Variants in ITGA9 observed in about 807,000 individuals in gnomAD.
ITGA9 encodes the protein integrin subunit alpha 9.
In ITGA9, 56 loss-of-function variants were observed where a neutral mutation model predicts 127.8. The ratio of observed to expected loss-of-function variants is 0.44; its 90% CI spans 0.35 to 0.55. ITGA9 has a LOEUF of 0.55. Ranked by LOEUF, ITGA9 falls within the 20% of genes least tolerant of loss-of-function variation. The pLI is 0.00. For missense variants in ITGA9, 1,196 were observed against 1,347.1 expected (o/e 0.89, Z 1.76); for synonymous variants, 508 against 514.5 (o/e 0.99, Z 0.17).
chr3:37,455,817 C>T (rs1356077540), intron 1 of ITGA9, among the ~76,000 whole-genome samples: 1 of 152,100 alleles, frequency 6.6e-6, no homozygotes, highest in African/African-American at 2.4e-5. Flanking sequence ...AGGGGGAGAG[C>T]ACAGACCCCA....
At chr3:37,673,788 A>G (rs1700658213) in intron 17 of ITGA9, among the ~76,000 whole-genome samples, 1 of 152,170 alleles carries the variant, frequency 6.6e-6, no homozygotes, top group Non-Finnish European at 1.5e-5. Context: ...CTAGTTACTA[A>G]ATAAGTTATT....
At position 37,463,691 on chromosome 3, in the gene ITGA9, A is replaced by G. The variant is rs116232986; in HGVS notation, c.186-7316A>G. On this transcript the variant is annotated intron_variant, in intron 1 of 27. Coordinates refer to ENST00000264741, the MANE Select transcript of ITGA9 (RefSeq NM_002207.3). Reference sequence around the variant, plus strand: ...TTCATCTCTTGACAAGAGAAGCTGCAAAGTCACACTGAAAAGAGCAGGGAT... The same window carrying G: ...TTCATCTCTTGACAAGAGAAGCTGCGAAGTCACACTGAAAAGAGCAGGGAT... Among the ~76,000 whole-genome samples the G allele has an allele frequency of 3.1e-3, 476 of 152,336 alleles. 3 individuals carry two copies. Among genetic ancestry groups the G allele is most frequent in the African/African-American group, 0.01 (431 of 41,576 alleles).
chr3:37,615,308 G>T (rs527336685), intron 15 of ITGA9, among the ~76,000 whole-genome samples: 4 of 152,196 alleles, frequency 2.6e-5, no homozygotes, highest in Non-Finnish European at 5.9e-5. Context: ...GCATCCCAGG[G>T]ATGAAGCCCA....
intron 15 of ITGA9, among the ~76,000 whole-genome samples, chr3:37,605,311 C>T (rs1001502447): frequency 5.3e-5 from 8 of 152,196 alleles, no homozygotes; most frequent in Non-Finnish European, 1.2e-4. Context: ...GGGCCATGCT[C>T]AGTGGGGGTT....
At chr3:37,636,950 C>T (rs1414463363) in intron 16 of ITGA9, among the ~76,000 whole-genome samples, 68 of 151,838 alleles carry the variant, frequency 4.5e-4, no homozygotes, top group African/African-American at 1.4e-3. Context: ...TGTAGATATG[C>T]GGCGTTATTT....
At chr3:37,708,069 A>G (rs1056818516) in intron 18 of ITGA9, among the ~76,000 whole-genome samples, 8 of 152,128 alleles carry the variant, frequency 5.3e-5, no homozygotes, top group African/African-American at 1.7e-4. Flanking sequence ...AATCATTTCT[A>G]TTTGCTCATA....
At chr3:37,700,283 C>G (rs554523984) in intron 18 of ITGA9, among the ~76,000 whole-genome samples, 1 of 152,034 alleles carries the variant, frequency 6.6e-6, no homozygotes, top group Admixed American at 6.6e-5. Flanking sequence ...TGCACCTAGC[C>G]GGACATACTA....
At chr3:37,486,369 A>G (rs1698610548) in intron 4 of ITGA9, among the ~76,000 whole-genome samples, 1 of 152,304 alleles carries the variant, frequency 6.6e-6, no homozygotes, top group East Asian at 1.9e-4. Context: ...ATATGCTCCT[A>G]CTTTCTGACT....
rs1700804504 is a variant in ITGA9 at position 37,688,843 on chromosome 3, G to C, written c.2067+4828G>C. On this transcript the variant is annotated intron_variant, in intron 18 of 27. Transcript: ENST00000264741. ...GGATGGGTGGGTGGGTGGCTGAATGGTTAGATAGGTAGGTAGGTAGATGAC... is the reference window on the plus strand; with the variant it reads ...GGATGGGTGGGTGGGTGGCTGAATGCTTAGATAGGTAGGTAGGTAGATGAC... Among the ~76,000 whole-genome samples the C allele has an allele frequency of 2.0e-5, 3 of 152,146 alleles. No homozygotes were observed. In the South Asian group the frequency reaches 6.2e-4, roughly 32 times the overall value.
intron 19 of ITGA9, among the ~76,000 whole-genome samples, chr3:37,734,876 C>T (rs1696339978): frequency 2.0e-5 from 3 of 152,192 alleles, no homozygotes; most frequent in Admixed American, 1.3e-4. Flanking sequence ...ACTTTCCTCC[C>T]ACATACAGAT....
intron 26 of ITGA9, among the ~76,000 whole-genome samples, chr3:37,796,528 C>T (rs1345482798): frequency 1.3e-5 from 2 of 151,720 alleles, no homozygotes; most frequent in East Asian, 3.9e-4. Flanking sequence ...GACGGACAGA[C>T]GGATGGACAG....
intron 1 of ITGA9, among the ~76,000 whole-genome samples, chr3:37,469,029 C>T (rs1280225502): frequency 6.6e-6 from 1 of 152,222 alleles, no homozygotes. Flanking sequence ...TATAGATCTT[C>T]TGTTGACTGC....
At chr3:37,569,474 G>A (rs749743339) in intron 15 of ITGA9, among the ~76,000 whole-genome samples, 4 of 152,166 alleles carry the variant, frequency 2.6e-5, no homozygotes, top group Non-Finnish European at 5.9e-5. Flanking sequence ...CCTGTGGCAT[G>A]GCCTTTATGT....
At chr3:37,453,603 C>T (rs778875142) in intron 1 of ITGA9, among the ~76,000 whole-genome samples, 40 of 152,180 alleles carry the variant, frequency 2.6e-4, no homozygotes, top group Admixed American at 1.2e-3. Context: ...GCCCAGGTGA[C>T]AGCCAGGCCG....
chr3:37,720,668 T>C (rs1701181425), intron 18 of ITGA9, among the ~76,000 whole-genome samples: 1 of 152,262 alleles, frequency 6.6e-6, no homozygotes, highest in Non-Finnish European at 1.5e-5. Context: ...GATGGCTTGC[T>C]AGTCTTTGTA....
intron 18 of ITGA9, among the ~76,000 whole-genome samples, chr3:37,716,232 G>C (rs934046603): frequency 1.3e-5 from 2 of 152,138 alleles, no homozygotes; most frequent in African/African-American, 4.8e-5. Flanking sequence ...GCATCTGGGG[G>C]GTCAATGTGC....
At chr3:37,541,690 G>A (rs1053996221) in intron 14 of ITGA9, among the ~76,000 whole-genome samples, 7 of 152,178 alleles carry the variant, frequency 4.6e-5, no homozygotes, top group African/African-American at 1.7e-4. Flanking sequence ...TCATAGTTTT[G>A]TTGAAAGGAT....
rs951952685 is a variant in ITGA9, at chr3:37,779,952, T to C, written c.2718T>C (p.Ser906=). The change falls in exon 25 of 28, where the codon AGT becomes AGC. Residue 906 remains serine, a synonymous_variant. Transcript: ENST00000264741. The part of the protein sequence containing the change: ...ISCLTAHCNF[S]ALAKEESRTI... ...GCCTAACAGCACACTGTAACTTTAG[T>C]GCTCTTGCTAAAGAAGAAAGTCGTA... The C allele has an allele frequency of 1.2e-6, 2 of 1,613,612 alleles. No homozygotes were observed. The highest frequency in any genetic ancestry group is 2.2e-5 in the East Asian group (1 of 44,884).
chr3:37,739,956 A>G (rs1696412894), intron 20 of ITGA9, among the ~76,000 whole-genome samples: 2 of 152,112 alleles, frequency 1.3e-5, no homozygotes, highest in Non-Finnish European at 2.9e-5. Flanking sequence ...TGGGCACCTG[A>G]TCCTGCTGCT....
Sources: gnomAD v4.1 joint callset for allele counts (sites outside exome capture counted in the v4.1 genomes callset) on GRCh38, gnomAD v4.1.1 for gene constraint, MANE v1.5 for transcripts, NCBI Gene and HGNC (gene_info 2026-07-23, HGNC 2026-07-21) for gene names.